SLC2A14: variants seen among roughly 807,000 people sequenced by gnomAD.
The protein encoded by SLC2A14 is solute carrier family 2 member 14.
A neutral mutation model predicts 43.0 loss-of-function variants in SLC2A14; 13 were observed. The observed-to-expected ratio is 0.30, with a 90% CI of 0.20 to 0.48. The LOEUF (loss-of-function observed/expected upper bound fraction) is 0.48. SLC2A14 is among the 20% of genes least tolerant of loss of function. The pLI, the probability that SLC2A14 is intolerant of heterozygous loss-of-function variation, is 0.99. For missense variants in SLC2A14, 428 were observed against 620.4 expected, an observed-to-expected ratio of 0.69 and a Z score of 3.29; for synonymous variants, 190 against 233.8, an observed-to-expected ratio of 0.81 and a Z score of 1.71.
At chr12:7,822,689 G>T (rs906937590) in intron 7 of SLC2A14, among the ~76,000 whole-genome samples, 2 of 144,092 alleles carry the variant, frequency 1.4e-5, no homozygotes, top group Non-Finnish European at 3.0e-5. Flanking sequence ...AAAAAAGAAA[G>T]TGTAATTCCT....
At chr12:7,850,819 A>G (rs1335070964) in intron 2 of SLC2A14, 3 of 152,244 alleles carry the variant, frequency 2.0e-5, no homozygotes, top group Non-Finnish European at 1.5e-5. Context: ...TAGACCAGCT[A>G]TGAAGGAAAA....
chr12:7,844,155 A>G (rs1490950561), intron 2 of SLC2A14, among the ~76,000 whole-genome samples: 1 of 152,164 alleles, frequency 6.6e-6, no homozygotes, highest in South Asian at 2.1e-4. Context: ...GTTCCAGTCT[A>G]TAGCCTCCTT....
intron 2 of SLC2A14, among the ~76,000 whole-genome samples, chr12:7,853,791 AC>A (rs2120945166): frequency 6.6e-6 from 1 of 152,284 alleles, no homozygotes; most frequent in African/African-American, 2.4e-5. Context: ...GTCATGAAGA[AC>A]AGCTGGAGAA....
intron 1 of SLC2A14, among the ~76,000 whole-genome samples, chr12:7,870,653 C>T (rs1474259667): frequency 2.0e-5 from 3 of 152,054 alleles, no homozygotes; most frequent in Non-Finnish European, 2.9e-5. Flanking sequence ...CCCCACCCTG[C>T]GCCTCACTGT....
rs1412104002 is a variant in SLC2A14 at position 7,813,044 on chromosome 12, C to A, written c.*1272G>T. 5.9e-5 allele frequency: 9 copies of A among 151,718 alleles called. No individual in the cohort carries two copies. Among genetic ancestry groups the A allele is most frequent in the Non-Finnish European group, 1.3e-4 (9 of 67,968 alleles). 9.4% of individuals were successfully genotyped at this position (151,718 alleles called of 1,614,324 possible). The stretch of plus-strand genomic sequence containing the variant: ...GGCATTCGGCATAGGACCACAGTGA[C>A]ATGGTAACAGACATACGCAAGCGTG... On this transcript the variant is annotated 3_prime_UTR_variant, in exon 11 of 11. Coordinates refer to ENST00000431042, the MANE Select transcript of SLC2A14 (RefSeq NM_001286234.2).
chr12:7,833,549 G>C (rs995755863), intron 2 of SLC2A14, among the ~76,000 whole-genome samples: 2 of 152,212 alleles, frequency 1.3e-5, no homozygotes. Context: ...GGTGGGCCAA[G>C]GCAGGTGGAT....
chr12:7,816,418 T>C lies in SLC2A14; in HGVS notation c.1275+1413A>G, dbSNP rs1366663443. Among the ~76,000 whole-genome samples the C allele has an allele frequency of 8.0e-5, 12 of 149,556 alleles. 1 individual carries two copies. Among genetic ancestry groups the C allele is most frequent in the Middle Eastern group, 3.5e-3 (1 of 288 alleles). On this transcript the variant is annotated intron_variant, in intron 10 of 10. Transcript: ENST00000431042. Reference sequence around the variant, plus strand: ...CGCGCCCGGCCATTTCTTGAATTTTTAGTAGAGACGGGGTTTCTCGATATT... The same window carrying C: ...CGCGCCCGGCCATTTCTTGAATTTTCAGTAGAGACGGGGTTTCTCGATATT...
chr12:7,885,302 T>C (rs1358166751), intron 1 of SLC2A14, among the ~76,000 whole-genome samples: 1 of 152,064 alleles, frequency 6.6e-6, no homozygotes, highest in Non-Finnish European at 1.5e-5. Context: ...CCATCTCTAC[T>C]AAAAATACAC....
chr12:7,855,636 T>G (rs1368876000), intron 2 of SLC2A14, among the ~76,000 whole-genome samples: 6 of 151,888 alleles, frequency 4.0e-5, no homozygotes, highest in Admixed American at 6.6e-5. Context: ...CCTTTTTTTT[T>G]CTTTTTCTTT....
chr12:7,824,153 G>A (rs1864155246), intron 7 of SLC2A14, among the ~76,000 whole-genome samples: 1 of 151,670 alleles, frequency 6.6e-6, no homozygotes, highest in South Asian at 2.1e-4. Flanking sequence ...CTACTCAGGA[G>A]GCTGAGACAG....
intron 1 of SLC2A14, among the ~76,000 whole-genome samples, chr12:7,886,341 AATTTATTTATTTATTTATTTATTTATTT>A (rs71038799): frequency 5.7e-5 from 8 of 140,830 alleles, no homozygotes; most frequent in East Asian, 2.1e-4. Context: ...AAATTTTTAA[AATTTATTTATTTATTTATTTATTTATTT>A]ATTTATTTAT....
Position 7,872,802 on chromosome 12 carries a change from C to T in SLC2A14, c.-58+5G>A. On this transcript the variant is annotated splice_donor_5th_base_variant and intron_variant, in intron 1 of 10. Transcript: ENST00000431042. ...CCGGCCGCAGGGACGGCGCGGCGCACCCACCTCCCAGACCCCGCGACTGCG... is the reference window on the plus strand; with the variant it reads ...CCGGCCGCAGGGACGGCGCGGCGCATCCACCTCCCAGACCCCGCGACTGCG... The T allele has an allele frequency of 1.0e-6, 1 of 985,586 alleles. No homozygotes were observed. Among genetic ancestry groups the T allele is most frequent in the Non-Finnish European group, 1.2e-6 (1 of 830,106 alleles). The allele number at this position is 985,586 out of a possible 1,614,324, so 61.1% of individuals were successfully genotyped here. A position where few individuals can be genotyped will look rare whatever the true frequency, so the allele number is the denominator to read the frequency against.
At chr12:7,890,014 G>A (rs1313215534) in intron 1 of SLC2A14, among the ~76,000 whole-genome samples, 1 of 152,082 alleles carries the variant, frequency 6.6e-6, no homozygotes, top group East Asian at 1.9e-4. Context: ...CCACCATTTT[G>A]GTTTTGGTAG....
At chr12:7,842,560 T>C (rs1219463897) in intron 2 of SLC2A14, among the ~76,000 whole-genome samples, 1 of 152,114 alleles carries the variant, frequency 6.6e-6, no homozygotes, top group East Asian at 1.9e-4. Context: ...TTCCTTAACT[T>C]TTCTCTAGCA....
At chr12:7,876,976 T>C (rs1407109884), upstream of SLC2A14, among the ~76,000 whole-genome samples, 2 of 151,790 alleles carry the variant, frequency 1.3e-5, no homozygotes. Context: ...TGGCAAGATC[T>C]TGTTTTTTAA....
chr12:7,890,002 C>T (rs912450685), intron 1 of SLC2A14, among the ~76,000 whole-genome samples: 13 of 152,256 alleles, frequency 8.5e-5, no homozygotes, highest in African/African-American at 2.2e-4. Context: ...AGGTCACTCT[C>T]GCCACCATTT....
intron 1 of SLC2A14, among the ~76,000 whole-genome samples, chr12:7,884,134 A>G (rs1025646684): frequency 3.3e-5 from 5 of 151,776 alleles, no homozygotes; most frequent in Non-Finnish European, 5.9e-5. Flanking sequence ...CATGTTAGCC[A>G]GGATGGTCTT....
chr12:7,882,242 T>C lies in SLC2A14; in HGVS notation c.132+8754A>G, dbSNP rs75312896. ...AAGCCCACCGGGAGAAACGAACGAT[T>C]CCAGACGGGTTGCCTTAAGAGAGCT... is the stretch of plus-strand genomic sequence containing the variant. On this transcript the variant is annotated intron_variant, in intron 1 of 9. Coordinates refer to the SLC2A14 transcript ENST00000539924. Among the ~76,000 whole-genome samples the C allele has an allele frequency of 5.1e-3, 755 of 148,040 alleles. 8 individuals are homozygous for C. The highest frequency in any genetic ancestry group is 0.019 in the African/African-American group (731 of 38,180).
rs193088138 is a variant in SLC2A14, at chr12:7,842,653, C to T, written c.19-9839G>A. Reference sequence around the variant, plus strand: ...CACCAGGCTACCACCCCCCTCCCCCCACTCACAGGAAAACAGCTACATGAT... The same window carrying T: ...CACCAGGCTACCACCCCCCTCCCCCTACTCACAGGAAAACAGCTACATGAT... On this transcript the variant is annotated intron_variant, in intron 2 of 10. Coordinates refer to ENST00000431042, the MANE Select transcript of SLC2A14 (RefSeq NM_001286234.2). Among the ~76,000 whole-genome samples the T allele has an allele frequency of 5.7e-4, 86 of 152,134 alleles. 3 individuals carry two copies. In the East Asian group the frequency reaches 0.015, roughly 26 times the overall value.
Sources: allele counts gnomAD v4.1 joint callset (sites outside exome capture counted in the v4.1 genomes callset), GRCh38; gene constraint gnomAD v4.1.1; transcripts MANE v1.5; gene names NCBI Gene and HGNC (gene_info 2026-07-23, HGNC 2026-07-21).